Variants in SLC38A9 observed in about 807,000 individuals in gnomAD.
SLC38A9 encodes solute carrier family 38 member 9.
A neutral mutation model predicts 62.3 loss-of-function variants in SLC38A9; 48 were observed. That is an observed-to-expected ratio of 0.77 (90% CI 0.61 to 0.98). The LOEUF (loss-of-function observed/expected upper bound fraction) is 0.98, where lower values mean the gene tolerates loss of function less well. Ranked by LOEUF, SLC38A9 falls within the 50% of genes least tolerant of loss-of-function variation. SLC38A9 has a pLI of 0.00. For synonymous variants in SLC38A9, 204 were observed against 227.7 expected, an observed-to-expected ratio of 0.90 and a Z score of 0.94; for missense variants, 541 against 679.8, an observed-to-expected ratio of 0.80 and a Z score of 2.27.
chr5:55,656,714 C>A lies in SLC38A9; in HGVS notation c.757+1G>T. The stretch of plus-strand genomic sequence containing the variant: ...AACAAACAACATCCCAAACTACTTA[C>A]CAGGGTTGCTATTATTGGTACTCAG... On this transcript the variant is annotated splice_donor_variant, in intron 9 of 15. Coordinates refer to ENST00000396865, the MANE Select transcript of SLC38A9 (RefSeq NM_173514.4). LOFTEE classifies it high-confidence loss of function. 1 of 1,596,348 alleles carries A rather than the reference C, an allele frequency of 6.3e-7. No individual in the cohort carries two copies. Among genetic ancestry groups the A allele is most frequent in the East Asian group, 2.2e-5 (1 of 44,648 alleles).
At chr5:55,709,102 A>G (rs1757670885) in intron 2 of SLC38A9, among the ~76,000 whole-genome samples, 1 of 152,202 alleles carries the variant, frequency 6.6e-6, no homozygotes, top group Non-Finnish European at 1.5e-5. Flanking sequence ...AGGATCTATA[A>G]TGCTCCTATT....
At position 55,635,673 on chromosome 5, in the gene SLC38A9, A is replaced by G; in HGVS notation, c.1168-16T>C. The stretch of plus-strand genomic sequence containing the variant: ...AGTCCCTCACCTGTAAATACAGAAC[A>G]AAAGTCCCATAATACTGAAGAACCT... On this transcript the variant is annotated splice_polypyrimidine_tract_variant and intron_variant, in intron 12 of 15. Coordinates refer to ENST00000396865, the MANE Select transcript of SLC38A9 (RefSeq NM_173514.4). 1 of 1,549,686 alleles carries G rather than the reference A, an allele frequency of 6.5e-7. No homozygotes were observed. The highest frequency in any genetic ancestry group is 8.9e-7 in the Non-Finnish European group (1 of 1,121,830).
chr5:55,626,451 T>C lies in SLC38A9; in HGVS notation c.*43A>G, dbSNP rs1163879823. Reference sequence around the variant, plus strand: ...ATTTATATAGAACTGTTGTCAAGGCTCAAAATATCATGAGAGCTCTTGAAA... The same window carrying C: ...ATTTATATAGAACTGTTGTCAAGGCCCAAAATATCATGAGAGCTCTTGAAA... On this transcript the variant is annotated 3_prime_UTR_variant, in exon 16 of 16. Transcript: ENST00000396865. The C allele has an allele frequency of 6.5e-7, 1 of 1,537,914 alleles. No individual in the cohort carries two copies. The highest frequency in any genetic ancestry group is 1.2e-5 in the South Asian group (1 of 84,018).
intron 14 of SLC38A9, among the ~76,000 whole-genome samples, chr5:55,629,189 T>C (rs1415354094): frequency 1.3e-5 from 2 of 151,990 alleles, no homozygotes; most frequent in Admixed American, 1.3e-4. Flanking sequence ...CCATCTGTAT[T>C]CCTTTTCTAA....
At chr5:55,662,635 A>G (rs910227302) in intron 8 of SLC38A9, among the ~76,000 whole-genome samples, 4 of 149,840 alleles carry the variant, frequency 2.7e-5, no homozygotes, top group Non-Finnish European at 4.4e-5. Context: ...TCACCACTGC[A>G]CTCCAGCCTG....
intron 3 of SLC38A9, among the ~76,000 whole-genome samples, chr5:55,673,859 G>A (rs1160456881): frequency 6.6e-6 from 1 of 152,002 alleles, no homozygotes; most frequent in Non-Finnish European, 1.5e-5. Context: ...CTACAGGTGT[G>A]CACCACCATG....
chr5:55,711,936 G>A (rs906944330), intron 1 of SLC38A9, among the ~76,000 whole-genome samples: 2 of 152,104 alleles, frequency 1.3e-5, no homozygotes, highest in African/African-American at 4.8e-5. Flanking sequence ...AGCTGACACC[G>A]ACTCCCATAG....
At position 55,651,394 on chromosome 5, in the gene SLC38A9, C is replaced by A. The variant is rs186974868; in HGVS notation, c.952+1135G>T. Among the ~76,000 whole-genome samples, 820 of 151,726 alleles carry A rather than the reference C, an allele frequency of 5.4e-3. 4 individuals are homozygous for A. The highest frequency in any genetic ancestry group is 6.6e-3 in the Non-Finnish European group (451 of 67,938). ...CCTCCCAAGTAGCTGGGATTACAGG[C>A]ACCAGCCACCACGCCCGGCTAATTT... On this transcript the variant is annotated intron_variant, in intron 10 of 15. Coordinates refer to ENST00000396865, the MANE Select transcript of SLC38A9 (RefSeq NM_173514.4).
intron 8 of SLC38A9, among the ~76,000 whole-genome samples, chr5:55,661,468 A>C (rs1389612872): frequency 7.4e-6 from 1 of 134,260 alleles, no homozygotes; most frequent in Non-Finnish European, 1.6e-5. Flanking sequence ...AAAAAAAAAA[A>C]AAGGAAGACT....
intron 3 of SLC38A9, among the ~76,000 whole-genome samples, chr5:55,694,810 T>C (rs1210149901): frequency 1.3e-5 from 2 of 150,138 alleles, no homozygotes; most frequent in Non-Finnish European, 3.0e-5. Flanking sequence ...TGGAGTGCAG[T>C]GGTACGATCT....
At chr5:55,706,954 T>C (rs549965913) in intron 2 of SLC38A9, among the ~76,000 whole-genome samples, 2 of 152,158 alleles carry the variant, frequency 1.3e-5, no homozygotes, top group African/African-American at 4.8e-5. Flanking sequence ...TTCTTTTTTT[T>C]TTTTTGAGAC....
At chr5:55,669,353 TATC>T in intron 6 of SLC38A9, 32 bp from the exon 7 acceptor site, 2 of 1,531,390 alleles carry the variant, frequency 1.3e-6, no homozygotes, top group Non-Finnish European at 9.0e-7. Context: ...AAACAGCATA[TATC>T]ATCATGTAAG....
At chr5:55,638,739 G>C (rs926352478) in intron 12 of SLC38A9, among the ~76,000 whole-genome samples, 1 of 152,094 alleles carries the variant, frequency 6.6e-6, no homozygotes, top group Admixed American at 6.5e-5. Flanking sequence ...ATATAGCCAA[G>C]TAAACCACAG....
At chr5:55,672,793 G>T in intron 3 of SLC38A9, 98 bp from the exon 4 acceptor site, 1 of 1,222,170 alleles carries the variant, frequency 8.2e-7, no homozygotes, top group Non-Finnish European at 1.1e-6. Context: ...TTAGTAATGG[G>T]ATGCACAAAG....
Position 55,697,930 on chromosome 5 carries a change from T to G in SLC38A9, c.29A>C (p.His10Pro), listed in dbSNP as rs772720286. The change falls in exon 3 of 16, where the codon CAT becomes CCT. Residue 10 changes from histidine to proline, a missense_variant. Transcript: ENST00000396865. MANMNSDSR[H>P]LGTSEVDHER... is the part of the protein sequence containing the mutation. The stretch of plus-strand genomic sequence containing the variant: ...ATGATCTACCTCAGAGGTGCCAAGA[T>G]GCCTAGAATCACTATTCATATTTGC... The G allele has an allele frequency of 7.5e-6, 12 of 1,602,190 alleles. No individual in the cohort carries two copies. The highest frequency in any genetic ancestry group is 1.7e-5 in the Admixed American group (1 of 57,898).
At chr5:55,708,479 T>C (rs1329737352) in intron 2 of SLC38A9, among the ~76,000 whole-genome samples, 2 of 152,254 alleles carry the variant, frequency 1.3e-5, no homozygotes, top group Non-Finnish European at 2.9e-5. Flanking sequence ...GCCCTTTCCA[T>C]ACTAGGCTCA....
chr5:55,679,068 T>A (rs1055540600), intron 3 of SLC38A9, among the ~76,000 whole-genome samples: 1 of 145,546 alleles, frequency 6.9e-6, no homozygotes, highest in Non-Finnish European at 1.5e-5. Flanking sequence ...TGCCAATAAA[T>A]CAAATTTAAA....
Position 55,626,712 on chromosome 5 carries a change from C to T in SLC38A9, c.1521-53G>A. On this transcript the variant is annotated intron_variant, in intron 15 of 15. Coordinates refer to ENST00000396865, the MANE Select transcript of SLC38A9 (RefSeq NM_173514.4). ...TATTCATCTTGCACTTTGCTTTTTACAATTAAGGTAAACATAGTACAATTT... is the reference window on the plus strand; with the variant it reads ...TATTCATCTTGCACTTTGCTTTTTATAATTAAGGTAAACATAGTACAATTT... 4.0e-6 allele frequency: 6 copies of T among 1,494,652 alleles called. No individual in the cohort carries two copies. In the South Asian group the frequency reaches 4.2e-5, roughly 11 times the overall value. The allele number at this position is 1,494,652 out of a possible 1,614,324, so 92.6% of individuals were successfully genotyped here. A position where few individuals can be genotyped will look rare whatever the true frequency, so the allele number is the denominator to read the frequency against.
chr5:55,687,426 C>CAAAAAAAA (rs34476189), intron 3 of SLC38A9, among the ~76,000 whole-genome samples: 20 of 76,420 alleles, frequency 2.6e-4, no homozygotes, highest in African/African-American at 1.1e-3. Flanking sequence ...GACTCCGTCT[C>CAAAAAAAA]AAAAAAAAAA....
Sources: allele counts gnomAD v4.1 joint callset (sites outside exome capture counted in the v4.1 genomes callset), GRCh38; gene constraint gnomAD v4.1.1; transcripts MANE v1.5; gene names NCBI Gene and HGNC (gene_info 2026-07-23, HGNC 2026-07-21).